ZDHHC14: variants seen among roughly 807,000 people sequenced by gnomAD.
ZDHHC14 encodes zDHHC palmitoyltransferase 14.
Under a neutral mutation model 47.7 loss-of-function variants are expected in ZDHHC14, and 16 were observed. That is an observed-to-expected ratio of 0.34 (90% CI 0.23 to 0.51). ZDHHC14 has a LOEUF of 0.51. Among genes scored for constraint, ZDHHC14 ranks in the 20% least tolerant of loss-of-function variants. The probability of loss-of-function intolerance (pLI) is 0.97; values close to 1 mark genes in which losing one functional copy is unlikely to be tolerated. For synonymous variants in ZDHHC14, 293 were observed against 278.9 expected (o/e 1.05, Z -0.50); for missense variants, 515 against 662.5 (o/e 0.78, Z 2.44).
At chr6:157,504,835 G>C (rs1476446526) in intron 1 of ZDHHC14, among the ~76,000 whole-genome samples, 1 of 148,726 alleles carries the variant, frequency 6.7e-6, no homozygotes, top group Non-Finnish European at 1.5e-5. Flanking sequence ...GTTTGAGATT[G>C]AGTCTCACTC....
intron 3 of ZDHHC14, among the ~76,000 whole-genome samples, chr6:157,610,628 G>A (rs748129259): frequency 3.3e-5 from 5 of 152,210 alleles, no homozygotes; most frequent in East Asian, 1.9e-4. Context: ...GAGAGGCAGC[G>A]TTGGCCCACA....
chr6:157,628,596 T>C, intron 4 of ZDHHC14, 110 bp downstream of exon 4: 1 of 1,414,964 alleles, frequency 7.1e-7, no homozygotes, highest in Non-Finnish European at 9.6e-7. Context: ...CTCTTTCCCT[T>C]TCTTTCTCCC....
rs763141659 is a variant in ZDHHC14, at chr6:157,586,483, C to T, written c.407-6505C>T. 6.6e-6 allele frequency among the ~76,000 whole-genome samples: 1 copy of T among 152,124 alleles called. No individual in the cohort carries two copies. The highest frequency in any genetic ancestry group is 6.6e-5 in the Admixed American group (1 of 15,266). On this transcript the variant is annotated intron_variant, in intron 2 of 8. Coordinates refer to ENST00000359775, the MANE Select transcript of ZDHHC14 (RefSeq NM_024630.3). The surrounding 1 kb of genome is among the most constrained non-coding windows in gnomAD (Gnocchi z 4.6). ...TTTGAGCATAGGCTCCATGGAAGAT[C>T]GTGCAAGGAGAGAGAAGGTTCATGG... is the stretch of plus-strand genomic sequence containing the variant.
At chr6:157,611,084 C>T (rs1784733270) in intron 3 of ZDHHC14, among the ~76,000 whole-genome samples, 1 of 152,166 alleles carries the variant, frequency 6.6e-6, no homozygotes, top group Non-Finnish European at 1.5e-5. Flanking sequence ...ATGCAATCTC[C>T]ACCTCCCGGG....
intron 2 of ZDHHC14, among the ~76,000 whole-genome samples, chr6:157,591,048 T>C (rs1458516361): frequency 6.6e-6 from 1 of 152,258 alleles, no homozygotes; most frequent in Non-Finnish European, 1.5e-5. Flanking sequence ...GTCTCCCATT[T>C]GGAACAGGTT....
At chr6:157,548,486 GC>G (rs1782080569) in intron 2 of ZDHHC14, among the ~76,000 whole-genome samples, 1 of 152,084 alleles carries the variant, frequency 6.6e-6, no homozygotes, top group African/African-American at 2.4e-5. Flanking sequence ...TGCTCCTGTT[GC>G]CCAGGCTGGA....
intron 3 of ZDHHC14, among the ~76,000 whole-genome samples, chr6:157,627,580 TA>T (rs1383352622): frequency 1.3e-5 from 2 of 152,138 alleles, no homozygotes; most frequent in Non-Finnish European, 2.9e-5. Flanking sequence ...GTACCATGGG[TA>T]ACCATGTGAT....
intron 1 of ZDHHC14, among the ~76,000 whole-genome samples, chr6:157,416,972 G>GTTTTTTTTTTTTTTTTTTT (rs71027335): frequency 8.8e-5 from 4 of 45,558 alleles, no homozygotes; most frequent in African/African-American, 2.2e-4. Context: ...TGCCTGGCTA[G>GTTTTTTTTTTTTTTTTTTT]TTTTTTTTTT....
chr6:157,531,128 C>T (rs4709360), intron 1 of ZDHHC14, among the ~76,000 whole-genome samples: 1 of 151,810 alleles, frequency 6.6e-6, no homozygotes, highest in Non-Finnish European at 1.5e-5. Context: ...ACCTTTGCAC[C>T]CATCGCTTTG....
intron 5 of ZDHHC14, among the ~76,000 whole-genome samples, chr6:157,644,011 C>T (rs981171810): frequency 2.6e-5 from 4 of 152,072 alleles, no homozygotes; most frequent in African/African-American, 7.2e-5. Flanking sequence ...TTCTTGTTTC[C>T]GTTCCATGTG....
chr6:157,640,030 C>T (rs9346835), intron 5 of ZDHHC14, among the ~76,000 whole-genome samples: 27,763 of 152,054 alleles, frequency 0.18, 3,058 homozygotes, highest in East Asian at 0.55. Flanking sequence ...AGGTGCCTGT[C>T]CGGGAAGCCA....
chr6:157,387,918 T>G (rs993326990), intron 1 of ZDHHC14, among the ~76,000 whole-genome samples: 2 of 151,950 alleles, frequency 1.3e-5, no homozygotes, highest in African/African-American at 2.4e-5. Context: ...TAATAAAAAT[T>G]TATGATTAAT....
At chr6:157,606,262 T>C (rs4709433) in intron 3 of ZDHHC14, among the ~76,000 whole-genome samples, 110,489 of 151,816 alleles carry the variant, frequency 0.73, 40,475 homozygotes, top group African/African-American at 0.81. Flanking sequence ...GTCAGGAGTT[T>C]GAGACTAGCC....
At position 157,597,720 on chromosome 6, in the gene ZDHHC14, G is replaced by A. The variant is rs546129184; in HGVS notation, c.565+4574G>A. Among the ~76,000 whole-genome samples the A allele has an allele frequency of 1.1e-3, 171 of 152,338 alleles. 1 individual carries two copies. The highest frequency in any genetic ancestry group is 6.6e-3 in the South Asian group (32 of 4,832). ...CACCTGAGATGCCACATCTGGAAGG[G>A]CTGTGAAGACGAAGGAAGTAGTACA... is the stretch of plus-strand genomic sequence containing the variant. On this transcript the variant is annotated intron_variant, in intron 3 of 8. Coordinates refer to ENST00000359775, the MANE Select transcript of ZDHHC14 (RefSeq NM_024630.3).
intron 2 of ZDHHC14, among the ~76,000 whole-genome samples, chr6:157,575,213 G>A (rs1455789439): frequency 1.3e-5 from 2 of 152,188 alleles, no homozygotes; most frequent in Non-Finnish European, 2.9e-5. Context: ...CCTGATTGGA[G>A]GAGGCCCACC....
At chr6:157,513,624 A>G (rs1433396876) in intron 1 of ZDHHC14, among the ~76,000 whole-genome samples, 1 of 152,182 alleles carries the variant, frequency 6.6e-6, no homozygotes, top group Non-Finnish European at 1.5e-5. Context: ...CCATATGTAC[A>G]TTTACTTCAT....
intron 1 of ZDHHC14, among the ~76,000 whole-genome samples, chr6:157,388,645 C>T (rs929073041): frequency 6.6e-6 from 1 of 152,140 alleles, no homozygotes; most frequent in African/African-American, 2.4e-5. Context: ...CAGTTCATCA[C>T]TAAATATGAA....
intron 3 of ZDHHC14, among the ~76,000 whole-genome samples, chr6:157,609,687 G>A (rs1353236631): frequency 6.6e-6 from 1 of 152,248 alleles, no homozygotes; most frequent in Non-Finnish European, 1.5e-5. Flanking sequence ...TCACAGAATA[G>A]GGACCAGAGG....
chr6:157,653,610 C>CA lies in ZDHHC14; in HGVS notation c.1052dup (p.Ser352ValfsTer4). On this transcript the variant is annotated frameshift_variant, in exon 8 of 9. Coordinates refer to ENST00000359775, the MANE Select transcript of ZDHHC14 (RefSeq NM_024630.3). LOFTEE classifies it high-confidence loss of function. ...TGGCATCACCATGTACGGGGCCACG[C>CA]AGTCACAGAGTGACATGGTAGGAGT... is the stretch of plus-strand genomic sequence containing the variant. 6.2e-7 allele frequency: 1 copy of CA among 1,613,658 alleles called. No homozygotes were observed. Among genetic ancestry groups the CA allele is most frequent in the Non-Finnish European group, 8.5e-7 (1 of 1,179,938 alleles).
Sources: gnomAD v4.1 joint callset for allele counts (sites outside exome capture counted in the v4.1 genomes callset) on GRCh38, gnomAD v4.1.1 for gene constraint, Gnocchi (gnomAD v3.1) non-coding constraint, MANE v1.5 for transcripts, NCBI Gene and HGNC (gene_info 2026-07-23, HGNC 2026-07-21) for gene names.